ATRNL1: variants seen among roughly 807,000 people sequenced by gnomAD.
ATRNL1 encodes attractin-like protein 1.
In ATRNL1, 95 loss-of-function variants were observed where a neutral mutation model predicts 182.7. The ratio of observed to expected loss-of-function variants is 0.52; its 90% CI spans 0.44 to 0.62. The LOEUF (loss-of-function observed/expected upper bound fraction) is 0.62. Ranked by LOEUF, ATRNL1 falls within the 20% of genes least tolerant of loss-of-function variation. The pLI, the probability that ATRNL1 is intolerant of heterozygous loss-of-function variation, is 0.00. For synonymous variants in ATRNL1, 576 were observed against 568.3 expected, an observed-to-expected ratio of 1.01 and a Z score of -0.19; for missense variants, 1,471 against 1,679.5, an observed-to-expected ratio of 0.88 and a Z score of 2.17.
chr10:115,735,399 CGTT>C (rs1947920923), intron 27 of ATRNL1, among the ~76,000 whole-genome samples: 1 of 152,008 alleles, frequency 6.6e-6, no homozygotes, highest in Non-Finnish European at 1.5e-5. Flanking sequence ...TTCTGATTTC[CGTT>C]GTTGCTGTAG....
At chr10:115,864,223 C>A (rs1049966247) in intron 28 of ATRNL1, among the ~76,000 whole-genome samples, 3 of 150,820 alleles carry the variant, frequency 2.0e-5, no homozygotes, top group African/African-American at 7.3e-5. Flanking sequence ...TGCACCACTG[C>A]ACTCCAGCCT....
intron 24 of ATRNL1, among the ~76,000 whole-genome samples, chr10:115,501,770 CA>C (rs1480024423): frequency 1.3e-5 from 2 of 152,044 alleles, no homozygotes; most frequent in Non-Finnish European, 2.9e-5. Flanking sequence ...ATGTTTTAAG[CA>C]AAAAGTTAAA....
intron 19 of ATRNL1, among the ~76,000 whole-genome samples, chr10:115,372,702 C>T (rs12254019): frequency 0.28 from 41,879 of 151,794 alleles, 6,055 homozygotes; most frequent in Non-Finnish European, 0.33. Context: ...GATTTATTTC[C>T]AGTCTTTCTA....
At chr10:115,480,153 C>T (rs1383377406) in intron 24 of ATRNL1, among the ~76,000 whole-genome samples, 1 of 150,260 alleles carries the variant, frequency 6.7e-6, no homozygotes, top group Non-Finnish European at 1.5e-5. Context: ...GTGCTGATGT[C>T]TATACAATTT....
At chr10:115,865,156 G>A (rs1951411528) in intron 28 of ATRNL1, among the ~76,000 whole-genome samples, 2 of 151,974 alleles carry the variant, frequency 1.3e-5, no homozygotes, top group Admixed American at 6.6e-5. Flanking sequence ...ATTAAATCCT[G>A]GACCAAAAAT....
intron 1 of ATRNL1, among the ~76,000 whole-genome samples, chr10:115,102,620 T>A (rs890509738): frequency 6.6e-6 from 1 of 152,044 alleles, no homozygotes; most frequent in East Asian, 1.9e-4. Flanking sequence ...ATTTTTGTAT[T>A]TTTGGTAGAG....
intron 28 of ATRNL1, among the ~76,000 whole-genome samples, chr10:115,901,180 T>G (rs1952341024): frequency 6.6e-6 from 1 of 152,164 alleles, no homozygotes; most frequent in Admixed American, 6.5e-5. Context: ...ATGTAAAAAT[T>G]TTATGGAAAA....
intron 8 of ATRNL1, among the ~76,000 whole-genome samples, chr10:115,179,881 T>A (rs568477747): frequency 6.6e-6 from 1 of 152,252 alleles, no homozygotes; most frequent in Admixed American, 6.5e-5. Context: ...AAGATTAATA[T>A]ATTTATCATC....
intron 26 of ATRNL1, among the ~76,000 whole-genome samples, chr10:115,614,661 G>T (rs1857338701): frequency 6.6e-6 from 1 of 151,896 alleles, no homozygotes; most frequent in South Asian, 2.1e-4. Flanking sequence ...TGTCTATATT[G>T]GTCTTTGATT....
chr10:115,774,049 A>G (rs1374541650), intron 27 of ATRNL1, among the ~76,000 whole-genome samples: 1 of 152,130 alleles, frequency 6.6e-6, no homozygotes, highest in African/African-American at 2.4e-5. Context: ...GAAAATAGCC[A>G]AAGACTGCTC....
At chr10:115,642,678 C>G (rs945385345) in intron 26 of ATRNL1, among the ~76,000 whole-genome samples, 3 of 152,160 alleles carry the variant, frequency 2.0e-5, no homozygotes, top group African/African-American at 7.2e-5. Context: ...CTCCTGACCT[C>G]AGGTGATCCG....
chr10:115,233,077 C>A (rs1371955850), intron 9 of ATRNL1, among the ~76,000 whole-genome samples: 5 of 151,976 alleles, frequency 3.3e-5, no homozygotes, highest in African/African-American at 1.2e-4. Context: ...AGCTGCATTA[C>A]TCCAGTCTAA....
intron 27 of ATRNL1, among the ~76,000 whole-genome samples, chr10:115,828,056 G>A (rs930994675): frequency 2.6e-5 from 4 of 151,964 alleles, no homozygotes; most frequent in Non-Finnish European, 5.9e-5. Context: ...GGGGGCTCAC[G>A]CCTGTAATCC....
intron 19 of ATRNL1, among the ~76,000 whole-genome samples, chr10:115,378,571 G>A (rs116545379): frequency 6.6e-6 from 1 of 152,278 alleles, no homozygotes; most frequent in African/African-American, 2.4e-5. Context: ...TGGCAGAGGA[G>A]TTAGTCTCCC....
chr10:115,730,253 C>CA (rs535690432), intron 27 of ATRNL1, among the ~76,000 whole-genome samples: 1,149 of 61,436 alleles, frequency 0.019, 76 homozygotes, highest in Non-Finnish European at 0.024. Flanking sequence ...TAGGACTCCT[C>CA]AAAAAAAAAA....
At chr10:115,652,068 G>T (rs149966098) in intron 26 of ATRNL1, among the ~76,000 whole-genome samples, 1 of 151,964 alleles carries the variant, frequency 6.6e-6, no homozygotes, top group Non-Finnish European at 1.5e-5. Flanking sequence ...GTTATGGATT[G>T]TAGTAAATTT....
chr10:115,628,452 GT>G (rs1361285154), intron 26 of ATRNL1, among the ~76,000 whole-genome samples: 1 of 151,942 alleles, frequency 6.6e-6, no homozygotes, highest in East Asian at 1.9e-4. Context: ...CATTGTAAGG[GT>G]TTTTTATATA....
At chr10:115,403,243 C>A (rs1407606973) in intron 20 of ATRNL1, among the ~76,000 whole-genome samples, 1 of 128,520 alleles carries the variant, frequency 7.8e-6, no homozygotes, top group Non-Finnish European at 1.5e-5. Context: ...TTTATTTTTC[C>A]TAATTACTCT....
intron 19 of ATRNL1, among the ~76,000 whole-genome samples, chr10:115,369,999 C>T (rs1223850629): frequency 6.6e-6 from 1 of 152,170 alleles, no homozygotes; most frequent in Non-Finnish European, 1.5e-5. Flanking sequence ...AATTGAATCA[C>T]AGGGGTGGAT....
Sources: gnomAD v4.1 joint callset for allele counts (sites outside exome capture counted in the v4.1 genomes callset) on GRCh38, gnomAD v4.1.1 for gene constraint, MANE v1.5 for transcripts, NCBI Gene and HGNC (gene_info 2026-07-23, HGNC 2026-07-21) for gene names.